The following NFIB variants were observed in gnomAD, a reference collection of about 807,000 sequenced individuals.
The protein encoded by NFIB is nuclear factor 1 B-type.
In NFIB, 11 loss-of-function variants were observed where a neutral mutation model predicts 61.5. The observed-to-expected ratio is 0.18, with a 90% CI of 0.11 to 0.30. The LOEUF is 0.30. Among genes scored for constraint, NFIB ranks in the 10% least tolerant of loss-of-function variants. The pLI is 1.00. For synonymous variants in NFIB, 260 were observed against 216.5 expected, an observed-to-expected ratio of 1.20 and a Z score of -1.76; for missense variants, 471 against 608.9, an observed-to-expected ratio of 0.77 and a Z score of 2.38.
the NFIB span, among the ~76,000 whole-genome samples, chr9:14,466,680 GC>G: frequency 1.3e-5 from 2 of 152,086 alleles, no homozygotes; most frequent in Non-Finnish European, 2.9e-5. Context: ...TTTCTCCTCT[GC>G]CCCCCAGGGT....
chr9:14,515,002 C>T, the NFIB span, among the ~76,000 whole-genome samples: 1 of 152,168 alleles, frequency 6.6e-6, no homozygotes, highest in Non-Finnish European at 1.5e-5. Context: ...AGAATCTTAG[C>T]TATTAGCTTT....
intron 6 of NFIB, among the ~76,000 whole-genome samples, chr9:14,128,595 G>A (rs1466097959): frequency 2.0e-5 from 3 of 151,770 alleles, no homozygotes; most frequent in South Asian, 4.2e-4. Context: ...CTACTTGGGA[G>A]GCTGAGGCAG....
intron 1 of NFIB, among the ~76,000 whole-genome samples, chr9:14,344,311 G>A (rs1306600847): frequency 1.3e-5 from 2 of 151,852 alleles, no homozygotes; most frequent in Non-Finnish European, 2.9e-5. Context: ...GGGTGAGAGA[G>A]AAAGTCTCCA....
At chr9:14,402,678 A>C (rs1427402073), upstream of NFIB, among the ~76,000 whole-genome samples, 2 of 152,132 alleles carry the variant, frequency 1.3e-5, no homozygotes, top group Non-Finnish European at 2.9e-5. Context: ...ATTTGAAAAA[A>C]TTTGAAGGGG....
intron 2 of NFIB, among the ~76,000 whole-genome samples, chr9:14,219,672 G>T (rs1178639763): frequency 6.6e-6 from 1 of 152,142 alleles, no homozygotes; most frequent in African/African-American, 2.4e-5. Flanking sequence ...GGTGAGCAAT[G>T]TTAGAGATAA....
chr9:14,185,612 G>T (rs2047256855), intron 2 of NFIB, among the ~76,000 whole-genome samples: 1 of 152,100 alleles, frequency 6.6e-6, no homozygotes, highest in Non-Finnish European at 1.5e-5. Context: ...TAATCTTTGG[G>T]ATAGGGCCTG....
At chr9:14,268,162 G>C (rs1473486486) in intron 2 of NFIB, among the ~76,000 whole-genome samples, 1 of 151,620 alleles carries the variant, frequency 6.6e-6, no homozygotes, top group Non-Finnish European at 1.5e-5. Context: ...AAAAAATATG[G>C]AGAAGACAAA....
At chr9:14,210,572 A>G (rs1242359163) in intron 2 of NFIB, among the ~76,000 whole-genome samples, 1 of 151,784 alleles carries the variant, frequency 6.6e-6, no homozygotes, top group Non-Finnish European at 1.5e-5. Context: ...ACACACCCAC[A>G]CCCCTCCATT....
intron 1 of NFIB, among the ~76,000 whole-genome samples, chr9:14,392,433 T>TA (rs903729997): frequency 6.6e-6 from 1 of 152,176 alleles, no homozygotes; most frequent in African/African-American, 2.4e-5. Flanking sequence ...TATTCTAACA[T>TA]AAAAAGATTA....
At chr9:14,440,812 C>T in the NFIB span, among the ~76,000 whole-genome samples, 2 of 152,160 alleles carry the variant, frequency 1.3e-5, no homozygotes, top group African/African-American at 2.4e-5. Flanking sequence ...AATCTGGGAA[C>T]ATTCATTTAT....
In NFIB at chr9:14,307,237, A is replaced by G. The variant is rs772031508; in HGVS notation, c.314T>C (p.Val105Ala). The G allele has an allele frequency of 1.2e-6, 2 of 1,614,046 alleles. No individual in the cohort carries two copies. The highest frequency in any genetic ancestry group is 2.2e-5 in the South Asian group (2 of 91,068). ...ACCCTTCTGGTCGGGATTGGATAAG[A>G]CACAGCACGGGTGCTTCTTGCCAGT... ...TVTGKKHPCC[V>A]LSNPDQKGKI... Residue 105 changes from valine (V) to alanine (A), a missense_variant, in exon 2 of 11, where the codon GTC becomes GCC. Val to Ala is a moderately conservative substitution (Grantham distance 64, BLOSUM62 0). Coordinates refer to ENST00000380953, the MANE Select transcript of NFIB (RefSeq NM_001190737.2). The surrounding 1 kb of genome is among the most constrained non-coding windows in gnomAD (Gnocchi z 5.3).
intron 10 of NFIB, among the ~76,000 whole-genome samples, chr9:14,090,142 C>T (rs962912181): frequency 4.1e-5 from 6 of 147,928 alleles, no homozygotes; most frequent in African/African-American, 8.0e-5. Flanking sequence ...TGATTTGATC[C>T]CCTATAAAAA....
the NFIB span, among the ~76,000 whole-genome samples, chr9:14,471,704 T>C: frequency 6.6e-6 from 1 of 152,208 alleles, no homozygotes; most frequent in African/African-American, 2.4e-5. Flanking sequence ...CTATTCTCTG[T>C]TTTTCCCTGT....
chr9:14,470,443 G>T, the NFIB span, among the ~76,000 whole-genome samples: 33 of 152,164 alleles, frequency 2.2e-4, no homozygotes, highest in East Asian at 2.9e-3. Flanking sequence ...TCTGTTCCTT[G>T]GTTTGCCCCC....
At chr9:14,163,126 CAAGT>C (rs1318797803) in intron 3 of NFIB, among the ~76,000 whole-genome samples, 4 of 151,714 alleles carry the variant, frequency 2.6e-5, no homozygotes, top group African/African-American at 4.8e-5. Flanking sequence ...ATAATCTTTT[CAAGT>C]AATAGTAAAG....
chr9:14,309,519 T>G (rs190917735), intron 1 of NFIB, among the ~76,000 whole-genome samples: 1 of 152,196 alleles, frequency 6.6e-6, no homozygotes, highest in Non-Finnish European at 1.5e-5. Context: ...ATCAGTAGTT[T>G]CCAGCAGAGA....
intron 10 of NFIB, among the ~76,000 whole-genome samples, chr9:14,100,666 A>G (rs2035639024): frequency 6.6e-6 from 1 of 152,254 alleles, no homozygotes; most frequent in African/African-American, 2.4e-5. Flanking sequence ...GTGAGCCGAG[A>G]TTGCGCCACT....
At chr9:14,347,896 C>G (rs2061051124) in intron 1 of NFIB, among the ~76,000 whole-genome samples, 1 of 152,146 alleles carries the variant, frequency 6.6e-6, no homozygotes, top group Non-Finnish European at 1.5e-5. Flanking sequence ...AGCGCGCGCG[C>G]GCGCCAGGGA....
intron 2 of NFIB, among the ~76,000 whole-genome samples, chr9:14,306,244 C>T (rs1007837328): frequency 2.0e-5 from 3 of 152,054 alleles, no homozygotes; most frequent in East Asian, 1.9e-4. Context: ...CTGTAAGCAG[C>T]GCTGCGACTT....
Sources: allele counts gnomAD v4.1 joint callset (sites outside exome capture counted in the v4.1 genomes callset), GRCh38; gene constraint gnomAD v4.1.1; non-coding constraint Gnocchi (gnomAD v3.1); transcripts MANE v1.5; gene names NCBI Gene and HGNC (gene_info 2026-07-23, HGNC 2026-07-21).